SH3RF1: variants seen among roughly 807,000 people sequenced by gnomAD.
SH3RF1 encodes SH3 domain containing ring finger 1.
Under a neutral mutation model 74.0 loss-of-function variants are expected in SH3RF1, and 32 were observed. The ratio of observed to expected loss-of-function variants is 0.43; its 90% CI spans 0.33 to 0.58. The LOEUF is 0.58. Among genes scored for constraint, SH3RF1 ranks in the 20% least tolerant of loss-of-function variants. The pLI is 0.05. For missense variants in SH3RF1, 954 were observed against 1,130.9 expected (o/e 0.84, Z 2.24); for synonymous variants, 396 against 439.6 (o/e 0.90, Z 1.24).
At chr4:169,220,954 G>A (rs1200015827) in intron 2 of SH3RF1, among the ~76,000 whole-genome samples, 1 of 152,236 alleles carries the variant, frequency 6.6e-6, no homozygotes, top group Non-Finnish European at 1.5e-5. Context: ...CAAGGCAGAA[G>A]TTTAGCAGAC....
At chr4:169,230,460 G>T (rs1379685938) in intron 2 of SH3RF1, among the ~76,000 whole-genome samples, 1 of 152,066 alleles carries the variant, frequency 6.6e-6, no homozygotes, top group Non-Finnish European at 1.5e-5. Flanking sequence ...AAAGAGATGG[G>T]AAATTTCCTT....
At chr4:169,157,285 A>G (rs1040793279) in intron 2 of SH3RF1, among the ~76,000 whole-genome samples, 3 of 152,192 alleles carry the variant, frequency 2.0e-5, no homozygotes, top group Non-Finnish European at 4.4e-5. Flanking sequence ...CAGTGAGTGA[A>G]CAGTCACAGT....
At chr4:169,204,709 C>T (rs1180673486) in intron 2 of SH3RF1, among the ~76,000 whole-genome samples, 1 of 152,000 alleles carries the variant, frequency 6.6e-6, no homozygotes, top group Non-Finnish European at 1.5e-5. Context: ...CACTACCACG[C>T]CCGGCTAATT....
chr4:169,126,602 T>G (rs1386935171), intron 6 of SH3RF1, among the ~76,000 whole-genome samples: 1 of 152,158 alleles, frequency 6.6e-6, no homozygotes, highest in Non-Finnish European at 1.5e-5. Context: ...TTATTTTTGT[T>G]TTTTTTAGGA....
At chr4:169,132,047 GC>G (rs1733628831) in intron 5 of SH3RF1, among the ~76,000 whole-genome samples, 2 of 152,322 alleles carry the variant, frequency 1.3e-5, no homozygotes, top group South Asian at 4.1e-4. Flanking sequence ...TCCCACACTG[GC>G]GTGTACTTTC....
intron 2 of SH3RF1, among the ~76,000 whole-genome samples, chr4:169,171,541 T>C (rs1194608567): frequency 3.3e-5 from 5 of 152,120 alleles, no homozygotes; most frequent in East Asian, 1.9e-4. Flanking sequence ...TTGATAGTAA[T>C]ATAGGAGAAA....
chr4:169,177,855 A>AAT lies in SH3RF1; in HGVS notation c.394-21178_394-21177dup, dbSNP rs367726071. Among the ~76,000 whole-genome samples, 143 of 150,862 alleles carry AAT rather than the reference A, an allele frequency of 9.5e-4. 1 individual carries two copies. In the South Asian group the frequency reaches 0.018, roughly 19 times the overall value. On this transcript the variant is annotated intron_variant, in intron 2 of 11. Coordinates refer to ENST00000284637, the MANE Select transcript of SH3RF1 (RefSeq NM_020870.4). The stretch of plus-strand genomic sequence containing the variant: ...AAACCTTACATATGTGTATGTATAT[A>AAT]ATATATATATATATGCTCACGTTAT...
chr4:169,201,501 C>A (rs1018974786), intron 2 of SH3RF1, among the ~76,000 whole-genome samples: 2 of 152,206 alleles, frequency 1.3e-5, no homozygotes, highest in African/African-American at 4.8e-5. Flanking sequence ...AATAATTTAA[C>A]ACTGATGTTT....
chr4:169,119,703 C>A (rs562131968), intron 8 of SH3RF1, among the ~76,000 whole-genome samples: 2 of 152,234 alleles, frequency 1.3e-5, no homozygotes, highest in South Asian at 4.1e-4. Flanking sequence ...TCACCATCTG[C>A]AACAACAGTG....
In SH3RF1 at chr4:169,248,678, T is replaced by C. The variant is rs147913581; in HGVS notation, c.393+20142A>G. On this transcript the variant is annotated intron_variant, in intron 2 of 11. Coordinates refer to ENST00000284637, the MANE Select transcript of SH3RF1 (RefSeq NM_020870.4). Reference sequence around the variant, plus strand: ...ATTTTAAAAAATTCAAAAAAAGTAATAGGAAAAGGGGAAACATCCACGTGA... The same window carrying C: ...ATTTTAAAAAATTCAAAAAAAGTAACAGGAAAAGGGGAAACATCCACGTGA... Among the ~76,000 whole-genome samples the C allele has an allele frequency of 3.9e-3, 593 of 152,046 alleles. 1 individual carries two copies. The highest frequency in any genetic ancestry group is 5.0e-3 in the Non-Finnish European group (341 of 67,968).
intron 6 of SH3RF1, among the ~76,000 whole-genome samples, chr4:169,129,506 G>A (rs374940186): frequency 1.3e-5 from 2 of 152,154 alleles, no homozygotes; most frequent in South Asian, 2.1e-4. Flanking sequence ...AGGATGTCAT[G>A]TTTTCAGAAG....
chr4:169,166,564 G>T, intron 2 of SH3RF1: 2 of 200,702 alleles, frequency 1.0e-5, no homozygotes, highest in Admixed American at 4.6e-5. Context: ...TTGGTGGTGA[G>T]AAGAATGGTG....
intron 4 of SH3RF1, among the ~76,000 whole-genome samples, chr4:169,151,359 C>G (rs532868862): frequency 6.6e-6 from 1 of 152,202 alleles, no homozygotes. Context: ...ACTGACATTG[C>G]TCTTGCTGGT....
At chr4:169,195,598 T>C (rs566649850) in intron 2 of SH3RF1, among the ~76,000 whole-genome samples, 3 of 152,278 alleles carry the variant, frequency 2.0e-5, no homozygotes, top group African/African-American at 4.8e-5. Flanking sequence ...TTAGGTCTCT[T>C]AACCTTTCTT....
At chr4:169,136,814 A>C (rs1433786942) in intron 4 of SH3RF1, among the ~76,000 whole-genome samples, 194 bp from the exon 5 acceptor site, 5 of 152,222 alleles carry the variant, frequency 3.3e-5, no homozygotes, top group East Asian at 3.8e-4. Context: ...TATCACAGGT[A>C]GATATTAAAT....
intron 2 of SH3RF1, among the ~76,000 whole-genome samples, chr4:169,248,270 A>C (rs1312309909): frequency 6.6e-6 from 1 of 152,234 alleles, no homozygotes; most frequent in Non-Finnish European, 1.5e-5. Flanking sequence ...CGCATAAAGA[A>C]AATGTGGCAC....
intron 2 of SH3RF1, among the ~76,000 whole-genome samples, chr4:169,215,012 GA>G (rs1327670980): frequency 6.6e-6 from 1 of 152,102 alleles, no homozygotes; most frequent in Non-Finnish European, 1.5e-5. Flanking sequence ...AAAGTGGTGA[GA>G]GGGGACATCC....
At chr4:169,266,272 A>G (rs1316636752) in intron 2 of SH3RF1, among the ~76,000 whole-genome samples, 4 of 152,220 alleles carry the variant, frequency 2.6e-5, no homozygotes, top group Non-Finnish European at 4.4e-5. Flanking sequence ...AACACAGAAC[A>G]TAACTAATAA....
chr4:169,153,269 C>T (rs1034222923), intron 4 of SH3RF1, among the ~76,000 whole-genome samples: 3 of 152,204 alleles, frequency 2.0e-5, no homozygotes, highest in Admixed American at 2.0e-4. Context: ...GATACATCAT[C>T]TCATTCAATC....
Sources: allele counts gnomAD v4.1 joint callset (sites outside exome capture counted in the v4.1 genomes callset), GRCh38; gene constraint gnomAD v4.1.1; transcripts MANE v1.5; gene names NCBI Gene and HGNC (gene_info 2026-07-23, HGNC 2026-07-21).